The following FHOD3 variants were observed in gnomAD, a reference collection of about 807,000 sequenced individuals.
The protein encoded by FHOD3 is formin homology 2 domain containing 3, also known as FH1/FH2 domain-containing protein 3.
Under a neutral mutation model 173.0 loss-of-function variants are expected in FHOD3, and 90 were observed. The ratio of observed to expected loss-of-function variants is 0.52; its 90% CI spans 0.44 to 0.62. FHOD3 has a LOEUF of 0.62. Ranked by LOEUF, FHOD3 falls within the 20% of genes least tolerant of loss-of-function variation. The pLI is 0.00. For missense variants in FHOD3, 1,945 were observed against 2,034.7 expected (o/e 0.96, Z 0.85); for synonymous variants, 828 against 823.0 (o/e 1.01, Z -0.10).
chr18:36,769,305 C>T lies in FHOD3; in HGVS notation c.4665C>T (p.Pro1555=), dbSNP rs2043272056. The stretch of plus-strand genomic sequence containing the variant: ...GGACTATGGGAACTGATGACTCGCC[C>T]AATGTCACAGATGATGCAGCTGATG... ...SSWTMGTDDS[P]NVTDDAADEI... is the part of the protein sequence containing the mutation. The change falls in exon 28 of 29, where the codon CCC becomes CCT. Residue 1555 remains proline, a synonymous_variant. Transcript: ENST00000590592. 1.9e-6 allele frequency: 3 copies of T among 1,614,186 alleles called. No individual in the cohort carries two copies. The highest frequency in any genetic ancestry group is 2.5e-6 in the Non-Finnish European group (3 of 1,180,032).
chr18:36,589,314 A>T (rs1043041384), intron 6 of FHOD3, among the ~76,000 whole-genome samples: 6 of 152,338 alleles, frequency 3.9e-5, no homozygotes, highest in African/African-American at 1.4e-4. Context: ...GAATACTAGT[A>T]TTTCCTAGAT....
At chr18:36,577,892 C>T (rs184643911) in intron 6 of FHOD3, among the ~76,000 whole-genome samples, 70 of 152,266 alleles carry the variant, frequency 4.6e-4, no homozygotes, top group Admixed American at 1.8e-3. Flanking sequence ...TGTGGAGGAG[C>T]ATGTGTTAGG....
At chr18:36,394,814 A>C (rs1017104870) in intron 3 of FHOD3, among the ~76,000 whole-genome samples, 2 of 152,186 alleles carry the variant, frequency 1.3e-5, no homozygotes, top group Non-Finnish European at 2.9e-5. Flanking sequence ...GCAGATGTTC[A>C]CTGCTACTGG....
intron 7 of FHOD3, among the ~76,000 whole-genome samples, chr18:36,596,562 T>G (rs1326675652): frequency 6.6e-6 from 1 of 152,024 alleles, no homozygotes; most frequent in African/African-American, 2.4e-5. Context: ...GCTTGAGTTA[T>G]TTTAGAAGTT....
At chr18:36,425,430 T>C (rs1051697208) in intron 3 of FHOD3, among the ~76,000 whole-genome samples, 1 of 152,184 alleles carries the variant, frequency 6.6e-6, no homozygotes, top group Admixed American at 6.5e-5. Context: ...GGAATGTAGG[T>C]CACCCAGCTT....
chr18:36,556,668 CTG>C (rs1419863353), intron 5 of FHOD3, among the ~76,000 whole-genome samples: 3 of 152,178 alleles, frequency 2.0e-5, no homozygotes, highest in Non-Finnish European at 4.4e-5. Flanking sequence ...CCACAGAACA[CTG>C]TTATTTTTCT....
intron 2 of FHOD3, 29 bp downstream of exon 2, chr18:36,355,674 G>T: frequency 6.3e-7 from 1 of 1,581,924 alleles, no homozygotes; most frequent in Non-Finnish European, 8.7e-7. Context: ...CCTGCTGACT[G>T]GTCCCCACCT....
intron 25 of FHOD3, among the ~76,000 whole-genome samples, chr18:36,757,519 A>C (rs571943756): frequency 6.6e-6 from 1 of 152,248 alleles, no homozygotes; most frequent in Non-Finnish European, 1.5e-5. Flanking sequence ...AAAGCCAGAC[A>C]GTAGACTTAG....
intron 10 of FHOD3, among the ~76,000 whole-genome samples, chr18:36,646,959 G>T (rs1294468249): frequency 6.6e-6 from 1 of 152,158 alleles, no homozygotes; most frequent in Non-Finnish European, 1.5e-5. Flanking sequence ...TTCTTCGGCC[G>T]GGTGCGGTGG....
At chr18:36,619,541 T>C (rs2033527032) in intron 9 of FHOD3, among the ~76,000 whole-genome samples, 1 of 152,232 alleles carries the variant, frequency 6.6e-6, no homozygotes, top group African/African-American at 2.4e-5. Flanking sequence ...CCTGTGATCA[T>C]TTCCTTAGCT....
intron 28 of FHOD3, among the ~76,000 whole-genome samples, chr18:36,771,809 C>T (rs990529865): frequency 4.6e-5 from 7 of 152,292 alleles, no homozygotes; most frequent in African/African-American, 1.2e-4. Context: ...AAGACAGAGA[C>T]GTCCCATTTG....
At chr18:36,508,767 A>G (rs1366196821) in intron 4 of FHOD3, among the ~76,000 whole-genome samples, 1 of 152,230 alleles carries the variant, frequency 6.6e-6, no homozygotes, top group East Asian at 1.9e-4. Context: ...AGGATGATCA[A>G]ATAGTTGAAG....
chr18:36,458,669 T>G (rs989473625), intron 3 of FHOD3, among the ~76,000 whole-genome samples: 5 of 112,838 alleles, frequency 4.4e-5, no homozygotes, highest in Non-Finnish European at 7.9e-5. Context: ...TTGTTAGGTT[T>G]TTTTTTTTTT....
intron 1 of FHOD3, among the ~76,000 whole-genome samples, chr18:36,346,794 C>G (rs755540268): frequency 5.9e-5 from 9 of 152,202 alleles, no homozygotes; most frequent in Non-Finnish European, 1.2e-4. Flanking sequence ...TTCTTATTGC[C>G]CTAGAATCAA....
In FHOD3 at chr18:36,625,725, A is replaced by G. The variant is rs757057948; in HGVS notation, c.1172A>G (p.Asn391Ser). The G allele has an allele frequency of 8.1e-6, 13 of 1,609,440 alleles. No homozygotes were observed. The South Asian group carries it at 1.1e-4, about 14-fold the overall frequency. The stretch of plus-strand genomic sequence containing the variant: ...CAGTCAGCTCCCAGCTTCAAGCCCA[A>G]CCAAGTGCGAGATCTGCGTGAAAAG... ...CSQSAPSFKP[N>S]QVRDLREKEE... The change falls in exon 10 of 29, where the codon AAC becomes AGC. Residue 391 changes from asparagine to serine, a missense_variant. Transcript: ENST00000590592.
chr18:36,462,408 T>C (rs1426417720), intron 3 of FHOD3, among the ~76,000 whole-genome samples: 21 of 152,130 alleles, frequency 1.4e-4, no homozygotes, highest in Non-Finnish European at 2.9e-5. Context: ...CTCGGCTCAC[T>C]GCAAGCTCTG....
intron 8 of FHOD3, among the ~76,000 whole-genome samples, chr18:36,610,420 T>C (rs1293901371): frequency 6.6e-6 from 1 of 152,252 alleles, no homozygotes; most frequent in East Asian, 1.9e-4. Context: ...GTCAGTGCGA[T>C]GTGGTTAGCC....
chr18:36,712,141 G>C (rs2040203350), intron 18 of FHOD3, among the ~76,000 whole-genome samples: 1 of 152,130 alleles, frequency 6.6e-6, no homozygotes, highest in Non-Finnish European at 1.5e-5. Flanking sequence ...ACCTAAAAAG[G>C]GTGACTACCA....
chr18:36,409,428 A>C (rs1277543732), intron 3 of FHOD3, among the ~76,000 whole-genome samples: 1 of 152,026 alleles, frequency 6.6e-6, no homozygotes, highest in African/African-American at 2.4e-5. Flanking sequence ...GTCTTGCACT[A>C]TTCAACTCAG....
Sources: allele counts gnomAD v4.1 joint callset (sites outside exome capture counted in the v4.1 genomes callset), GRCh38; gene constraint gnomAD v4.1.1; transcripts MANE v1.5; gene names NCBI Gene and HGNC (gene_info 2026-07-23, HGNC 2026-07-21).